TNFSF4: variants seen among roughly 807,000 people sequenced by gnomAD.
The protein encoded by TNFSF4 is TNF superfamily member 4, also known as tumor necrosis factor ligand superfamily member 4.
TNFSF4 carries 4 observed loss-of-function variants against 7.3 expected under a neutral mutation model. The ratio of observed to expected loss-of-function variants is 0.55; its 90% CI spans 0.27 to 1.25. The LOEUF is 1.25. Ranked by LOEUF, TNFSF4 falls within the 50% of genes most tolerant of loss-of-function variation. TNFSF4 has a pLI of 0.12. For missense variants in TNFSF4, 181 were observed against 208.8 expected (o/e 0.87, Z 0.82); for synonymous variants, 76 against 83.7 (o/e 0.91, Z 0.50).
chr1:173,332,548 T>A, the TNFSF4 span, among the ~76,000 whole-genome samples: 1 of 145,958 alleles, frequency 6.9e-6, no homozygotes, highest in African/African-American at 2.5e-5. Context: ...ATAAATTAAT[T>A]AATTAAATAA....
the TNFSF4 span, among the ~76,000 whole-genome samples, chr1:173,285,070 T>A: frequency 6.6e-6 from 1 of 152,220 alleles, no homozygotes; most frequent in Non-Finnish European, 1.5e-5. Context: ...GATTCACTAT[T>A]CTAGACACCA....
the TNFSF4 span, chr1:173,351,987 A>C: frequency 6.3e-6 from 3 of 474,630 alleles, no homozygotes. Context: ...CAAGGAAGAA[A>C]AAATTGAGGA....
chr1:173,338,918 C>T, the TNFSF4 span, among the ~76,000 whole-genome samples: 12 of 152,260 alleles, frequency 7.9e-5, no homozygotes, highest in Middle Eastern at 0.01. Flanking sequence ...AAAAGGAAAT[C>T]GGACTACTAC....
chr1:173,337,750 T>A, the TNFSF4 span, among the ~76,000 whole-genome samples: 18 of 152,294 alleles, frequency 1.2e-4, no homozygotes, highest in African/African-American at 4.3e-4. Flanking sequence ...TATGGATTCA[T>A]GGGTTGTGGC....
chr1:173,309,010 A>G, the TNFSF4 span, among the ~76,000 whole-genome samples: 4 of 151,878 alleles, frequency 2.6e-5, no homozygotes, highest in African/African-American at 9.7e-5. Context: ...AGGACCATAG[A>G]CTCCATCACT....
chr1:173,436,216 A>G, the TNFSF4 span, among the ~76,000 whole-genome samples: 5 of 152,318 alleles, frequency 3.3e-5, no homozygotes, highest in East Asian at 7.7e-4. Context: ...AGGGATGGAT[A>G]TGGGTAAGAA....
the TNFSF4 span, among the ~76,000 whole-genome samples, chr1:173,216,188 TC>T: frequency 1.3e-5 from 2 of 152,102 alleles, no homozygotes; most frequent in Non-Finnish European, 2.9e-5. Context: ...CTGAGCCCCA[TC>T]CCCACCCTAG....
chr1:173,428,111 A>G, the TNFSF4 span, among the ~76,000 whole-genome samples: 10 of 151,836 alleles, frequency 6.6e-5, no homozygotes, highest in Non-Finnish European at 1.2e-4. Context: ...ACACCCGGCT[A>G]CTTTTTTTAT....
chr1:173,398,409 CTTTTT>C, the TNFSF4 span, among the ~76,000 whole-genome samples: 8 of 101,572 alleles, frequency 7.9e-5, no homozygotes, highest in South Asian at 3.5e-4. Flanking sequence ...TATTTCTTTT[CTTTTT>C]TTTTTTTTTT....
chr1:173,332,025 G>T, the TNFSF4 span, among the ~76,000 whole-genome samples: 1 of 152,134 alleles, frequency 6.6e-6, no homozygotes, highest in Admixed American at 6.5e-5. Flanking sequence ...GTACAGGACA[G>T]CTTCTTACAA....
the TNFSF4 span, among the ~76,000 whole-genome samples, chr1:173,402,767 C>T: frequency 6.6e-6 from 1 of 152,318 alleles, no homozygotes; most frequent in South Asian, 2.1e-4. Flanking sequence ...GGCTTTCAAA[C>T]AATCCCCTGG....
rs1216241195 is a variant in TNFSF4 at position 173,184,655 on chromosome 1, T to C, written c.*1861A>G. The C allele has an allele frequency of 6.6e-6, 1 of 152,164 alleles. No homozygotes were observed. Among genetic ancestry groups the C allele is most frequent in the Non-Finnish European group, 1.5e-5 (1 of 68,032 alleles). 9.4% of individuals were successfully genotyped at this position (152,164 alleles called of 1,614,324 possible). On this transcript the variant is annotated 3_prime_UTR_variant, in exon 3 of 3. Coordinates refer to ENST00000281834, the MANE Select transcript of TNFSF4 (RefSeq NM_003326.5). ...GTTTACTTTTTCGGATATCACTCAC[T>C]GAGTAACTGCAATTTTGCAGAACAT...
chr1:173,259,152 C>A, the TNFSF4 span, among the ~76,000 whole-genome samples: 5 of 152,098 alleles, frequency 3.3e-5, no homozygotes, highest in African/African-American at 1.2e-4. Flanking sequence ...AGCAGGCTAC[C>A]ATCTTTACTG....
the TNFSF4 span, among the ~76,000 whole-genome samples, chr1:173,430,715 T>G: frequency 6.6e-6 from 1 of 152,240 alleles, no homozygotes; most frequent in Non-Finnish European, 1.5e-5. Context: ...TCTGCACAAA[T>G]AATTGTATTA....
At chr1:173,421,082 C>G in the TNFSF4 span, among the ~76,000 whole-genome samples, 5 of 152,312 alleles carry the variant, frequency 3.3e-5, no homozygotes, top group African/African-American at 1.2e-4. Context: ...CTCACACCAT[C>G]CCTACATGTC....
rs529538189 is a variant in TNFSF4, at chr1:173,189,370, C to T, written c.154-801G>A. Among the ~76,000 whole-genome samples, 28 of 152,214 alleles carry T rather than the reference C, an allele frequency of 1.8e-4. No homozygotes were observed. The South Asian group carries it at 4.6e-3, about 25-fold the overall frequency. On this transcript the variant is annotated intron_variant, in intron 1 of 2. Coordinates refer to ENST00000281834, the MANE Select transcript of TNFSF4 (RefSeq NM_003326.5). The stretch of plus-strand genomic sequence containing the variant: ...CTGCATGTCTGGTCTTTCACTTTAA[C>T]GCAGGAGTAAAAGCATCCTATTTTC...
the TNFSF4 span, among the ~76,000 whole-genome samples, chr1:173,445,621 CT>C: frequency 6.6e-6 from 1 of 152,164 alleles, no homozygotes; most frequent in Non-Finnish European, 1.5e-5. Context: ...AATTTTCTCT[CT>C]CTTTTTTCCA....
At chr1:173,244,282 AG>A in the TNFSF4 span, among the ~76,000 whole-genome samples, 1 of 152,182 alleles carries the variant, frequency 6.6e-6, no homozygotes. Context: ...TCAGCTAGAC[AG>A]TGCAACAGTT....
At chr1:173,300,466 G>A in the TNFSF4 span, among the ~76,000 whole-genome samples, 7 of 151,840 alleles carry the variant, frequency 4.6e-5, no homozygotes, top group South Asian at 4.1e-4. Flanking sequence ...TGTTGCTGAG[G>A]AGGGATTTTC....
Sources: gnomAD v4.1 joint callset for allele counts (sites outside exome capture counted in the v4.1 genomes callset) on GRCh38, gnomAD v4.1.1 for gene constraint, MANE v1.5 for transcripts, NCBI Gene and HGNC (gene_info 2026-07-23, HGNC 2026-07-21) for gene names.